The following RAPGEF3 variants were observed in gnomAD, a reference collection of about 807,000 sequenced individuals.
RAPGEF3 encodes the protein 9330170P05Rik.
A neutral mutation model predicts 129.8 loss-of-function variants in RAPGEF3; 103 were observed. That is an observed-to-expected ratio of 0.79 (90% CI 0.68 to 0.93). The LOEUF (loss-of-function observed/expected upper bound fraction) is 0.93, where lower values mean the gene tolerates loss of function less well. Ranked by LOEUF, RAPGEF3 falls within the 40% of genes least tolerant of loss-of-function variation. RAPGEF3 has a pLI of 0.00. For missense variants in RAPGEF3, 1,117 were observed against 1,207.4 expected (o/e 0.93, Z 1.11); for synonymous variants, 436 against 482.6 (o/e 0.90, Z 1.26).
At position 47,738,024 on chromosome 12, in the gene RAPGEF3, G is replaced by A. The variant is rs758891875; in HGVS notation, c.2651C>T (p.Thr884Ile). Residue 884 changes from threonine to isoleucine, a missense_variant and splice_region_variant, in exon 27 of 28, where the codon ACA (threonine) becomes ATA (isoleucine). This residue lies in a region of RAPGEF3 where 643 missense variants were observed against 673.4 expected (regional missense o/e 0.95). Transcript: ENST00000449771. The part of the protein sequence containing the change: ...HEDSQVARIS[T>I]CSEQSLSTRS... ...ACCCACCATCGCCCACCACTTACAT[G>A]TGGAAATCCTCGCCACCTGGCTGTC... is the stretch of plus-strand genomic sequence containing the variant. 5.6e-6 allele frequency: 9 copies of A among 1,595,622 alleles called. No homozygotes were observed. Among genetic ancestry groups the A allele is most frequent in the Non-Finnish European group, 6.9e-6 (8 of 1,167,190 alleles).
At position 47,751,784 on chromosome 12, in the gene RAPGEF3, GC is replaced by G; in HGVS notation, c.318del (p.His107IlefsTer62). ...RVLRAGRQLH[R>X]HLLATCPNLI... The stretch of plus-strand genomic sequence containing the variant: ...AGGTTTGGGCAGGTGGCCAGCAGAT[GC>G]CGATGCAGCTGCCTCCCAGCCCTGA... On this transcript the variant is annotated frameshift_variant, in exon 4 of 28. Coordinates refer to ENST00000449771, the MANE Select transcript of RAPGEF3 (RefSeq NM_001098531.4). LOFTEE classifies it high-confidence loss of function. 6.2e-7 allele frequency: 1 copy of G among 1,614,094 alleles called. No individual in the cohort carries two copies. Among genetic ancestry groups the G allele is most frequent in the Non-Finnish European group, 8.5e-7 (1 of 1,180,028 alleles).
At chr12:47,754,850 T>C (rs1485047678) in intron 2 of RAPGEF3, among the ~76,000 whole-genome samples, 1 of 152,196 alleles carries the variant, frequency 6.6e-6, no homozygotes, top group African/African-American at 2.4e-5. Context: ...CTCTCATTCC[T>C]GAACAGAAAG....
At chr12:47,746,662 G>T in intron 16 of RAPGEF3, 198 bp downstream of exon 16, 1 of 732,300 alleles carries the variant, frequency 1.4e-6, no homozygotes, top group Non-Finnish European at 2.5e-6. Context: ...GGCCACCTTA[G>T]GCCTCTGCGC....
At chr12:47,743,375 G>A (rs1343348636) in intron 18 of RAPGEF3, among the ~76,000 whole-genome samples, 155 bp downstream of exon 18, 3 of 152,222 alleles carry the variant, frequency 2.0e-5, no homozygotes, top group East Asian at 1.9e-4. Context: ...AATGCACTTC[G>A]AACAGACGCA....
intron 15 of RAPGEF3, 69 bp downstream of exon 15, chr12:47,747,475 G>A: frequency 6.6e-7 from 1 of 1,510,972 alleles, no homozygotes; most frequent in Admixed American, 1.7e-5. Context: ...TGACTCCAGA[G>A]CGTATGCTCT....
At chr12:47,738,299 T>C in intron 25 of RAPGEF3, 52 bp from the exon 26 acceptor site, 2 of 1,604,328 alleles carry the variant, frequency 1.2e-6, no homozygotes, top group East Asian at 2.2e-5. Context: ...AACCCTGTCC[T>C]GCCCTGTGCA....
intron 23 of RAPGEF3, 72 bp from the exon 24 acceptor site, chr12:47,739,302 G>A: frequency 8.3e-7 from 1 of 1,209,764 alleles, no homozygotes; most frequent in Non-Finnish European, 1.2e-6. Flanking sequence ...AACCAAGGAG[G>A]GGCCACATGC....
At position 47,741,252 on chromosome 12, in the gene RAPGEF3, G is replaced by C. The variant is rs1195765975; in HGVS notation, c.1924-212C>G. 5.5e-6 allele frequency: 4 copies of C among 724,718 alleles called. No homozygotes were observed. In the Admixed American group the frequency reaches 1.2e-4, roughly 21 times the overall value. 44.9% of individuals were successfully genotyped at this position (724,718 alleles called of 1,614,324 possible). On this transcript the variant is annotated intron_variant, in intron 19 of 27. Coordinates refer to ENST00000449771, the MANE Select transcript of RAPGEF3 (RefSeq NM_001098531.4). ...CCTCCTTTTGGGCTCCTGTCTCCTG[G>C]GGAACCCCTAACTAGGGCAGGTCCT... is the stretch of plus-strand genomic sequence containing the variant.
In RAPGEF3 at chr12:47,748,157, A is replaced by G; in HGVS notation, c.1244-5T>C. On this transcript the variant is annotated splice_polypyrimidine_tract_variant and splice_region_variant and intron_variant, in intron 12 of 27. Coordinates refer to ENST00000449771, the MANE Select transcript of RAPGEF3 (RefSeq NM_001098531.4). ...GGAAGTCGCTGAGGAATGTCTCTGTATGACAGGGTGAGGGGATGGGAGGAG... is the reference window on the plus strand; with the variant it reads ...GGAAGTCGCTGAGGAATGTCTCTGTGTGACAGGGTGAGGGGATGGGAGGAG... The G allele has an allele frequency of 6.4e-7, 1 of 1,570,832 alleles. No homozygotes were observed.
intron 23 of RAPGEF3, 169 bp downstream of exon 23, chr12:47,739,972 C>T (rs1941043267): frequency 2.6e-6 from 2 of 783,300 alleles, no homozygotes; most frequent in African/African-American, 1.7e-5. Flanking sequence ...TCAGCCAGCT[C>T]CCCAAACTCA....
At chr12:47,741,708 C>T in intron 18 of RAPGEF3, 106 bp from the exon 19 acceptor site, 2 of 948,184 alleles carry the variant, frequency 2.1e-6, no homozygotes, top group Non-Finnish European at 1.7e-6. Context: ...GGTTGTTTCT[C>T]CTAGTAGCGG....
chr12:47,746,540 CAG>C, intron 16 of RAPGEF3: 1 of 657,356 alleles, frequency 1.5e-6, no homozygotes, highest in Non-Finnish European at 2.7e-6. Flanking sequence ...CCGTGGGCCT[CAG>C]GGGCCAACTC....
chr12:47,741,873 C>T, intron 18 of RAPGEF3: 1 of 500,320 alleles, frequency 2.0e-6, no homozygotes, highest in East Asian at 3.2e-5. Context: ...TCACTTTCTT[C>T]CCTGGTAAAA....
At chr12:47,744,327 G>C (rs1345603947) in intron 16 of RAPGEF3, 1 of 508,214 alleles carries the variant, frequency 2.0e-6, no homozygotes, top group African/African-American at 2.0e-5. Context: ...CTGCCAGATA[G>C]GTCCAGAGCA....
intron 16 of RAPGEF3, chr12:47,746,638 T>C: frequency 2.8e-6 from 2 of 711,490 alleles, no homozygotes; most frequent in Non-Finnish European, 2.6e-6. Flanking sequence ...AGTCAGGGAG[T>C]GGGCGAGGAG....
At chr12:47,740,873 G>T in intron 20 of RAPGEF3, 42 bp downstream of exon 20, 1 of 1,613,544 alleles carries the variant, frequency 6.2e-7, no homozygotes, top group Non-Finnish European at 8.5e-7. Flanking sequence ...CGAGCCGGGC[G>T]CCCCGCCGCC....
Position 47,747,866 on chromosome 12 carries a change from G to C in RAPGEF3, c.1323-4C>G. ...ACCCGCAGGCTCCACATGGAAGGTGGGCACCAGTCAAGGGAACCACAACAT... is the reference window on the plus strand; with the variant it reads ...ACCCGCAGGCTCCACATGGAAGGTGCGCACCAGTCAAGGGAACCACAACAT... On this transcript the variant is annotated splice_polypyrimidine_tract_variant and splice_region_variant and intron_variant, in intron 13 of 27. Transcript: ENST00000449771. 1 of 1,602,162 alleles carries C rather than the reference G, an allele frequency of 6.2e-7. No individual in the cohort carries two copies. Among genetic ancestry groups the C allele is most frequent in the Admixed American group, 1.7e-5 (1 of 60,006 alleles).
Position 47,750,355 on chromosome 12 carries a change from G to A in RAPGEF3, c.742C>T (p.His248Tyr). ...GCAGGACTGACCGAGTTGGAGAGGTGGGCCACAGCCTTGATGTGCAGCAGC... is the reference window on the plus strand; with the variant it reads ...GCAGGACTGACCGAGTTGGAGAGGTAGGCCACAGCCTTGATGTGCAGCAGC... ...EELLHIKAVA[H>Y]LSNSVKRELA... The change falls in exon 7 of 28, where the codon CAC becomes TAC. Residue 248 changes from histidine to tyrosine, a missense_variant. His to Tyr is a moderately conservative substitution (Grantham distance 83). This residue lies in a region of RAPGEF3 where 367 missense variants were observed against 373.4 expected (regional missense o/e 0.98). Coordinates refer to ENST00000449771, the MANE Select transcript of RAPGEF3 (RefSeq NM_001098531.4). The A allele has an allele frequency of 6.2e-7, 1 of 1,614,006 alleles. No homozygotes were observed. Among genetic ancestry groups the A allele is most frequent in the Non-Finnish European group, 8.5e-7 (1 of 1,179,884 alleles).
intron 1 of RAPGEF3, 127 bp from the exon 2 acceptor site, chr12:47,758,205 C>T: frequency 6.9e-7 from 1 of 1,440,444 alleles, no homozygotes; most frequent in East Asian, 2.5e-5. Flanking sequence ...GGTGCTGCAA[C>T]CCTGCCAGGA....
Sources: allele counts gnomAD v4.1 joint callset (sites outside exome capture counted in the v4.1 genomes callset), GRCh38; gene constraint gnomAD v4.1.1; regional missense constraint gnomAD v4.1.1; transcripts MANE v1.5; gene names NCBI Gene and HGNC (gene_info 2026-07-23, HGNC 2026-07-21).